DCAF6: variants seen among roughly 807,000 people sequenced by gnomAD.
DCAF6 encodes the protein DDB1- and CUL4-associated factor 6.
DCAF6 carries 54 observed loss-of-function variants against 125.1 expected under a neutral mutation model. The ratio of observed to expected loss-of-function variants is 0.43; its 90% confidence interval spans 0.35 to 0.54. DCAF6 has a LOEUF of 0.54. DCAF6 is among the 20% of genes least tolerant of loss of function. The pLI, the probability that DCAF6 is intolerant of heterozygous loss-of-function variation, is 0.01. For missense variants in DCAF6, 934 were observed against 1,161.7 expected (o/e 0.80, Z 2.85); for synonymous variants, 371 against 390.4 (o/e 0.95, Z 0.58).
chr1:167,918,508 G>A, the DCAF6 span: 51 of 483,872 alleles, frequency 1.1e-4, no homozygotes, highest in Middle Eastern at 5.5e-4. Flanking sequence ...GGGCTTACAG[G>A]TAGAAACAGG....
intron 17 of DCAF6, among the ~76,000 whole-genome samples, chr1:168,052,401 A>G (rs1229812677): frequency 6.6e-6 from 1 of 152,228 alleles, no homozygotes; most frequent in African/African-American, 2.4e-5. Context: ...ACAATGGTAA[A>G]GCAGAAAATG....
At chr1:167,908,751 A>G in the DCAF6 span, among the ~76,000 whole-genome samples, 3 of 152,240 alleles carry the variant, frequency 2.0e-5, no homozygotes, top group African/African-American at 7.2e-5. Context: ...CTGATGACAG[A>G]GCTAGGATTT....
chr1:168,049,059 T>C lies in DCAF6; in HGVS notation c.2259-1833T>C, dbSNP rs148317167. Among the ~76,000 whole-genome samples, 1,239 of 152,246 alleles carry C rather than the reference T, an allele frequency of 8.1e-3. 13 individuals carry two copies. Among genetic ancestry groups the C allele is most frequent in the South Asian group, 0.041 (198 of 4,818 alleles). On this transcript the variant is annotated intron_variant, in intron 16 of 21. Coordinates refer to ENST00000367840, the MANE Select transcript of DCAF6 (RefSeq NM_001198956.2). ...TTTAACTTTGCGTAAGGCAAGAACATGGAACAGTAAATGGGAAATAAATTG... is the reference window on the plus strand; with the variant it reads ...TTTAACTTTGCGTAAGGCAAGAACACGGAACAGTAAATGGGAAATAAATTG...
At chr1:167,998,873 C>T (rs1328911108) in intron 7 of DCAF6, 6 of 152,710 alleles carry the variant, frequency 3.9e-5, no homozygotes, top group East Asian at 1.9e-4. Flanking sequence ...AAGTGATCCA[C>T]TAGGGTTGGA....
At chr1:167,920,268 C>A in the DCAF6 span, among the ~76,000 whole-genome samples, 1 of 152,150 alleles carries the variant, frequency 6.6e-6, no homozygotes, top group African/African-American at 2.4e-5. Context: ...TCAATTCTTA[C>A]ATGAAAGAGG....
At chr1:168,003,640 C>T (rs1484981579) in intron 8 of DCAF6, among the ~76,000 whole-genome samples, 1 of 152,004 alleles carries the variant, frequency 6.6e-6, no homozygotes, top group Non-Finnish European at 1.5e-5. Flanking sequence ...GAGAGGTGAG[C>T]CCTGTTCTCA....
intron 2 of DCAF6, among the ~76,000 whole-genome samples, chr1:167,957,669 A>G (rs932733967): frequency 6.6e-6 from 1 of 152,162 alleles, no homozygotes; most frequent in African/African-American, 2.4e-5. Context: ...GCTAGGTCAT[A>G]TGGTAAACTG....
At chr1:167,906,693 G>T in the DCAF6 span, among the ~76,000 whole-genome samples, 1 of 152,062 alleles carries the variant, frequency 6.6e-6, no homozygotes, top group Non-Finnish European at 1.5e-5. Context: ...GGAGGCTGAG[G>T]TGGGAGGATG....
At chr1:167,919,429 T>TC in the DCAF6 span, among the ~76,000 whole-genome samples, 1 of 152,234 alleles carries the variant, frequency 6.6e-6, no homozygotes, top group African/African-American at 2.4e-5. Flanking sequence ...AAATATTTGA[T>TC]CATAATGTCA....
intron 7 of DCAF6, among the ~76,000 whole-genome samples, chr1:167,999,726 T>A (rs1272383114): frequency 6.6e-6 from 1 of 152,168 alleles, no homozygotes; most frequent in Non-Finnish European, 1.5e-5. Flanking sequence ...TTCATAGCTT[T>A]AAAGAGATTT....
intron 21 of DCAF6, among the ~76,000 whole-genome samples, chr1:168,072,998 A>AACAGTATACATAGACATCCTGGCT (rs1693311396): frequency 2.0e-5 from 3 of 152,204 alleles, no homozygotes; most frequent in Admixed American, 2.0e-4. Flanking sequence ...TAACATGGTG[A>AACAGTATACATAGACATCCTGGCT]AACCCCATCT....
chr1:167,968,705 G>T (rs1034813082), intron 3 of DCAF6, among the ~76,000 whole-genome samples: 5 of 152,208 alleles, frequency 3.3e-5, no homozygotes, highest in African/African-American at 7.2e-5. Context: ...ACCTGTGCAT[G>T]GTTGCAGGAG....
chr1:167,957,148 T>C (rs1167492399), intron 2 of DCAF6, among the ~76,000 whole-genome samples: 1 of 152,106 alleles, frequency 6.6e-6, no homozygotes, highest in Non-Finnish European at 1.5e-5. Flanking sequence ...AACTGACGCA[T>C]CTTAAGTGTT....
chr1:167,873,048 C>T, the DCAF6 span, among the ~76,000 whole-genome samples: 1 of 151,392 alleles, frequency 6.6e-6, no homozygotes, highest in Non-Finnish European at 1.5e-5. Context: ...CCAGCCTGGG[C>T]GACAGAGTGA....
intron 3 of DCAF6, among the ~76,000 whole-genome samples, chr1:167,974,416 A>G (rs981965733): frequency 8.5e-5 from 13 of 152,166 alleles, no homozygotes; most frequent in Non-Finnish European, 1.6e-4. Flanking sequence ...CCATTTCATT[A>G]CTTTGATTTT....
At chr1:167,988,283 C>T (rs1028881410) in intron 5 of DCAF6, among the ~76,000 whole-genome samples, 2 of 152,082 alleles carry the variant, frequency 1.3e-5, no homozygotes, top group African/African-American at 4.8e-5. Context: ...GCCTTAGCCT[C>T]CCGAGTAGCT....
chr1:167,935,830 G>C (rs376625019), upstream of DCAF6: 473 of 1,551,680 alleles, frequency 3.0e-4, 1 homozygote, highest in Non-Finnish European at 3.8e-4. Context: ...CTCGGGCACC[G>C]GCGGCCGACA....
At chr1:167,884,292 G>A in the DCAF6 span, among the ~76,000 whole-genome samples, 4 of 152,152 alleles carry the variant, frequency 2.6e-5, no homozygotes, top group African/African-American at 4.8e-5. Flanking sequence ...GGCAGAAGAC[G>A]AAGGAGAAGC....
intron 14 of DCAF6, among the ~76,000 whole-genome samples, chr1:168,044,012 G>A (rs1385787247): frequency 6.6e-6 from 1 of 152,122 alleles, no homozygotes; most frequent in Non-Finnish European, 1.5e-5. Context: ...GTAAGGGATA[G>A]TCTAAAGCAG....
Sources: allele counts gnomAD v4.1 joint callset (sites outside exome capture counted in the v4.1 genomes callset), GRCh38; gene constraint gnomAD v4.1.1; transcripts MANE v1.5; gene names NCBI Gene and HGNC (gene_info 2026-07-23, HGNC 2026-07-21).